RBFOX1: variants seen among roughly 807,000 people sequenced by gnomAD.
The protein encoded by RBFOX1 is RNA binding fox-1 homolog 1, also known as RNA binding protein fox-1 homolog 1.
A neutral mutation model predicts 57.7 loss-of-function variants in RBFOX1; 8 were observed. That is an observed-to-expected ratio of 0.14 (90% CI 0.08 to 0.25). The LOEUF (loss-of-function observed/expected upper bound fraction) is 0.25. Ranked by LOEUF, RBFOX1 falls within the 10% of genes least tolerant of loss-of-function variation. RBFOX1 has a pLI of 1.00. For missense variants in RBFOX1, 611 were observed against 548.5 expected (o/e 1.11, Z -1.14); for synonymous variants, 326 against 222.4 (o/e 1.47, Z -4.15).
Position 6,780,267 on chromosome 16 carries a change from A to ATATATATT in RBFOX1, c.-16+125619_-16+125620insTATATTTA, listed in dbSNP as rs1567215144. Among the ~76,000 whole-genome samples the ATATATATT allele has an allele frequency of 2.4e-3, 170 of 72,204 alleles. 4 individuals are homozygous for ATATATATT. The highest frequency in any genetic ancestry group is 0.01 in the African/African-American group (158 of 15,694). 47.4% of individuals were successfully genotyped at this position (72,204 alleles called of 152,430 possible). On this transcript the variant is annotated intron_variant, in intron 3 of 15. Coordinates refer to ENST00000550418, the MANE Select transcript of RBFOX1 (RefSeq NM_018723.4). ...TACATATATATTTATATATATATTT[A>ATATATATT]TACATATATATATTTATACATATAT...
intron 4 of RBFOX1, among the ~76,000 whole-genome samples, chr16:7,134,403 T>A (rs964408632): frequency 3.3e-5 from 5 of 152,186 alleles, no homozygotes; most frequent in Non-Finnish European, 5.9e-5. Flanking sequence ...GTGATGGTGA[T>A]TACTTCTTCA....
chr16:6,830,165 C>T (rs58765424), intron 3 of RBFOX1, among the ~76,000 whole-genome samples: 33,155 of 151,828 alleles, frequency 0.22, 4,532 homozygotes, highest in East Asian at 0.52. Flanking sequence ...GATCTGCCCA[C>T]CTAAGCCTCC....
chr16:6,253,579 C>G (rs940045683), intron 1 of RBFOX1, among the ~76,000 whole-genome samples: 1 of 149,980 alleles, frequency 6.7e-6, no homozygotes, highest in African/African-American at 2.4e-5. Flanking sequence ...AAAGCTTGAT[C>G]AATGGTTGAT....
chr16:5,349,194 G>C (rs998677695), intron 1 of RBFOX1, among the ~76,000 whole-genome samples: 3 of 152,170 alleles, frequency 2.0e-5, no homozygotes. Context: ...AATCACCGAA[G>C]TACAAATACC....
chr16:7,613,011 A>C (rs1434757842), intron 10 of RBFOX1, among the ~76,000 whole-genome samples: 1 of 152,236 alleles, frequency 6.6e-6, no homozygotes, highest in South Asian at 2.1e-4. Context: ...AAATTACTCC[A>C]TGAGACGTGA....
intron 14 of RBFOX1, among the ~76,000 whole-genome samples, chr16:7,703,986 A>G (rs1201012781): frequency 6.6e-6 from 1 of 152,220 alleles, no homozygotes; most frequent in Non-Finnish European, 1.5e-5. Context: ...ATGTATCATA[A>G]TCTCCTCTAT....
chr16:6,915,570 A>G (rs1382633845), intron 3 of RBFOX1, among the ~76,000 whole-genome samples: 2 of 84,440 alleles, frequency 2.4e-5, no homozygotes, highest in Non-Finnish European at 4.6e-5. Context: ...TTTTTTTTTG[A>G]CACAGTGTCT....
At chr16:6,112,213 A>T (rs923890838) in intron 1 of RBFOX1, among the ~76,000 whole-genome samples, 1 of 152,184 alleles carries the variant, frequency 6.6e-6, no homozygotes, top group African/African-American at 2.4e-5. Context: ...AACTTCTGCT[A>T]TAAGGGTTAT....
At chr16:6,338,666 C>T (rs1282390520) in intron 2 of RBFOX1, among the ~76,000 whole-genome samples, 2 of 152,136 alleles carry the variant, frequency 1.3e-5, no homozygotes, top group Non-Finnish European at 2.9e-5. Context: ...TTATGTAATT[C>T]CAAATTCATT....
intron 3 of RBFOX1, among the ~76,000 whole-genome samples, chr16:5,774,781 C>G (rs1312490316): frequency 6.6e-6 from 1 of 152,162 alleles, no homozygotes; most frequent in Non-Finnish European, 1.5e-5. Context: ...CTCCCGAGTT[C>G]AAGCAATTCT....
intron 4 of RBFOX1, among the ~76,000 whole-genome samples, chr16:5,906,520 G>T (rs2058460169): frequency 6.6e-6 from 1 of 151,256 alleles, no homozygotes; most frequent in Non-Finnish European, 1.5e-5. Flanking sequence ...GAACTGAGAT[G>T]ATACATGTTT....
chr16:6,843,588 T>C (rs2093606866), intron 3 of RBFOX1, among the ~76,000 whole-genome samples: 1 of 152,144 alleles, frequency 6.6e-6, no homozygotes, highest in South Asian at 2.1e-4. Flanking sequence ...ACTCAGGACG[T>C]TGAGGCAGGA....
chr16:6,580,547 T>A (rs1157125686), intron 2 of RBFOX1, among the ~76,000 whole-genome samples: 2 of 151,700 alleles, frequency 1.3e-5, no homozygotes, highest in Non-Finnish European at 2.9e-5. Flanking sequence ...AATGAAAAAA[T>A]AAATACACGT....
chr16:6,216,268 C>T (rs539302078), intron 1 of RBFOX1, among the ~76,000 whole-genome samples: 4 of 152,060 alleles, frequency 2.6e-5, no homozygotes, highest in African/African-American at 7.2e-5. Flanking sequence ...GCACATATAC[C>T]CCTGAACGTA....
chr16:7,564,993 G>C (rs1021094966), intron 5 of RBFOX1, among the ~76,000 whole-genome samples: 2 of 152,094 alleles, frequency 1.3e-5, no homozygotes, highest in South Asian at 4.2e-4. Context: ...TCGAAATGAG[G>C]CATTAACTAC....
At chr16:5,780,033 T>C (rs2054276442) in intron 3 of RBFOX1, among the ~76,000 whole-genome samples, 1 of 152,264 alleles carries the variant, frequency 6.6e-6, no homozygotes, top group African/African-American at 2.4e-5. Flanking sequence ...AGACGGAGTC[T>C]TGCTGTGTCG....
At chr16:6,031,247 G>A (rs546243495) in intron 1 of RBFOX1, among the ~76,000 whole-genome samples, 68 of 152,246 alleles carry the variant, frequency 4.5e-4, no homozygotes, top group Non-Finnish European at 6.8e-4. Context: ...GTGGCAGTGT[G>A]TTCAGAAGCC....
chr16:7,193,836 G>T (rs1176678792), intron 4 of RBFOX1, among the ~76,000 whole-genome samples: 3 of 152,128 alleles, frequency 2.0e-5, no homozygotes, highest in Admixed American at 2.0e-4. Flanking sequence ...AACTCAAAAT[G>T]ATCAGACATG....
chr16:6,809,095 G>A (rs1162329884), intron 3 of RBFOX1, among the ~76,000 whole-genome samples: 1 of 152,110 alleles, frequency 6.6e-6, no homozygotes, highest in Non-Finnish European at 1.5e-5. Flanking sequence ...ACTGCTAAGT[G>A]TTCAAAAAAG....
Sources: allele counts gnomAD v4.1 joint callset (sites outside exome capture counted in the v4.1 genomes callset), GRCh38; gene constraint gnomAD v4.1.1; transcripts MANE v1.5; gene names NCBI Gene and HGNC (gene_info 2026-07-23, HGNC 2026-07-21).